The following PTPRN2 variants were observed in gnomAD, a reference collection of about 807,000 sequenced individuals.
PTPRN2 encodes the protein receptor-type tyrosine-protein phosphatase N2.
PTPRN2 carries 74 observed loss-of-function variants against 118.8 expected under a neutral mutation model. The observed-to-expected ratio is 0.62, with a 90% CI of 0.52 to 0.76. The LOEUF (loss-of-function observed/expected upper bound fraction) is 0.76, where lower values mean the gene tolerates loss of function less well. Among genes scored for constraint, PTPRN2 ranks in the 30% least tolerant of loss-of-function variants. PTPRN2 has a pLI of 0.00. For synonymous variants in PTPRN2, 641 were observed against 608.0 expected (o/e 1.05, Z -0.80); for missense variants, 1,481 against 1,394.4 (o/e 1.06, Z -0.99).
Position 158,497,824 on chromosome 7 carries a change from C to T in PTPRN2, c.113-8039G>A, listed in dbSNP as rs372989482. ...GCACAGCCTCTGGGCCCTGTTCCTG[C>T]GGGGACACCTGTCCGTCCCCTGTGC... On this transcript the variant is annotated intron_variant, in intron 1 of 22. Transcript: ENST00000389418. Among the ~76,000 whole-genome samples, 81 of 152,390 alleles carry T rather than the reference C, an allele frequency of 5.3e-4. 3 individuals are homozygous for T. The highest frequency in any genetic ancestry group is 4.8e-3 in the South Asian group (23 of 4,832).
chr7:158,197,788 AACTC>A (rs1349274959), intron 4 of PTPRN2, among the ~76,000 whole-genome samples: 6 of 152,124 alleles, frequency 3.9e-5, no homozygotes, highest in Non-Finnish European at 8.8e-5. Flanking sequence ...ATCTCGTGAA[AACTC>A]ACTCACTATC....
In PTPRN2 at chr7:158,159,133, T is replaced by G. The variant is rs1348707675; in HGVS notation, c.910+7798A>C. On this transcript the variant is annotated intron_variant, in intron 6 of 22. Transcript: ENST00000389418. ...GTGTGATTGGCCAGGACTTTGCAAG[T>G]GCTTTCTGAATGAATGAGTGAACTT... is the stretch of plus-strand genomic sequence containing the variant. 2.2e-4 allele frequency among the ~76,000 whole-genome samples: 15 copies of G among 68,024 alleles called. 1 individual carries two copies. The East Asian group carries it at 2.6e-3, about 12-fold the overall frequency. The allele number at this position is 68,024 out of a possible 152,430, so 44.6% of individuals were successfully genotyped here. A position where few individuals can be genotyped will look rare whatever the true frequency, so the allele number is the denominator to read the frequency against.
intron 2 of PTPRN2, among the ~76,000 whole-genome samples, chr7:158,366,380 ACACACACC>A (rs1246640634): frequency 3.1e-5 from 1 of 32,342 alleles, no homozygotes; most frequent in African/African-American, 6.2e-5. Flanking sequence ...GTGCAAACGC[ACACACACC>A]CACACACCCA....
At chr7:158,386,241 C>CACTGTCACTGCTGTTA (rs1811351367) in intron 2 of PTPRN2, among the ~76,000 whole-genome samples, 1 of 140,422 alleles carries the variant, frequency 7.1e-6, no homozygotes. Context: ...TTTCTGTGCC[C>CACTGTCACTGCTGTTA]CTCCTCCCTC....
Position 158,167,184 on chromosome 7 carries a change from C to T in PTPRN2, c.657G>A (p.Arg219=), listed in dbSNP as rs1337768374. The T allele has an allele frequency of 1.2e-5, 20 of 1,613,832 alleles. No individual in the cohort carries two copies. The highest frequency in any genetic ancestry group is 3.3e-5 in the Admixed American group (2 of 60,012). The change falls in exon 6 of 23, where the codon CGG becomes CGA. Residue 219 remains arginine, a synonymous_variant. Coordinates refer to ENST00000389418, the MANE Select transcript of PTPRN2 (RefSeq NM_002847.5). The stretch of plus-strand genomic sequence containing the variant: ...CATCTGGCTGGAGCTGGCCGAGGGT[C>T]CGCGGCAGGAGGTCCTCGCGGAGCT... The part of the protein sequence containing the change: ...RTQLREDLLP[R]TLGQLQPDEL...
intron 12 of PTPRN2, among the ~76,000 whole-genome samples, chr7:157,877,500 C>G (rs1389035939): frequency 6.6e-6 from 1 of 151,942 alleles, no homozygotes; most frequent in East Asian, 1.9e-4. Flanking sequence ...CCTCGGGGCC[C>G]CGGGTCCAAG....
intron 12 of PTPRN2, among the ~76,000 whole-genome samples, chr7:157,799,834 TCCATCCCTCAGAGGCAC>T (rs1805125072): frequency 3.8e-5 from 3 of 79,116 alleles, no homozygotes; most frequent in African/African-American, 1.7e-4. Context: ...GCCGGCCCCC[TCCATCCCTCAGAGGCAC>T]CACAGCCGGC....
chr7:157,907,700 G>T (rs1797858516), intron 11 of PTPRN2, among the ~76,000 whole-genome samples: 2 of 151,338 alleles, frequency 1.3e-5, no homozygotes, highest in Non-Finnish European at 3.0e-5. Flanking sequence ...CCTTGCGTGT[G>T]GGGTGTCCTG....
At chr7:158,228,223 G>A (rs1440888358) in intron 3 of PTPRN2, among the ~76,000 whole-genome samples, 3 of 152,102 alleles carry the variant, frequency 2.0e-5, no homozygotes, top group Admixed American at 2.0e-4. Context: ...CAATGACTGG[G>A]ATGCAAATAA....
At position 158,570,075 on chromosome 7, in the gene PTPRN2, G is replaced by C. The variant is rs539015802; in HGVS notation, c.112+17483C>G. Among the ~76,000 whole-genome samples, 2 of 152,178 alleles carry C rather than the reference G, an allele frequency of 1.3e-5. No individual in the cohort carries two copies. Among genetic ancestry groups the C allele is most frequent in the East Asian group, 3.9e-4 (2 of 5,154 alleles). On this transcript the variant is annotated intron_variant, in intron 1 of 22. Transcript: ENST00000389418. The surrounding 1 kb of genome is among the most constrained non-coding windows in gnomAD (Gnocchi z 4.5). ...GCGCGTCCTCCACCCGTTTCCCCCA[G>C]GCAGGGGGAAGCCCCGAGAAGCCGC...
intron 9 of PTPRN2, among the ~76,000 whole-genome samples, chr7:158,118,612 G>A (rs1321150468): frequency 6.6e-6 from 1 of 152,100 alleles, no homozygotes; most frequent in African/African-American, 2.4e-5. Flanking sequence ...AGCAAAATAT[G>A]ATATTCCACA....
chr7:157,718,862 T>G (rs567968460), intron 12 of PTPRN2, among the ~76,000 whole-genome samples: 111 of 152,246 alleles, frequency 7.3e-4, no homozygotes, highest in Non-Finnish European at 1.3e-3. Context: ...TCTGGGGCCC[T>G]CAGACCCCCA....
intron 11 of PTPRN2, among the ~76,000 whole-genome samples, chr7:157,981,943 ATAAAGATGAGGAGGGGAATG>A (rs1803188954): frequency 1.3e-5 from 2 of 152,178 alleles, no homozygotes; most frequent in African/African-American, 2.4e-5. Flanking sequence ...CCCCTGAGTC[ATAAAGATGAGGAGGGGAATG>A]CAGAGTGCAG....
intron 11 of PTPRN2, among the ~76,000 whole-genome samples, chr7:158,047,333 C>CA (rs1377557934): frequency 9.1e-4 from 139 of 152,384 alleles, no homozygotes; most frequent in African/African-American, 3.3e-3. Flanking sequence ...AAGGAGCTTT[C>CA]AGCTCAGGAG....
At chr7:158,162,196 C>T (rs1229567175) in intron 6 of PTPRN2, among the ~76,000 whole-genome samples, 1 of 152,194 alleles carries the variant, frequency 6.6e-6, no homozygotes, top group Non-Finnish European at 1.5e-5. Context: ...CTTCCAAAAC[C>T]AAACATTCTC....
At chr7:158,276,134 C>T (rs988551588) in intron 3 of PTPRN2, among the ~76,000 whole-genome samples, 1 of 152,140 alleles carries the variant, frequency 6.6e-6, no homozygotes, top group Admixed American at 6.5e-5. Context: ...TGAACCTTCC[C>T]TCCCTCCCCA....
At chr7:158,247,910 C>G (rs1025096749) in intron 3 of PTPRN2, among the ~76,000 whole-genome samples, 1 of 152,140 alleles carries the variant, frequency 6.6e-6, no homozygotes, top group Non-Finnish European at 1.5e-5. Flanking sequence ...TCCACCGCGC[C>G]CAGCCTACCA....
intron 12 of PTPRN2, among the ~76,000 whole-genome samples, chr7:157,859,957 T>C (rs1471635409): frequency 2.4e-5 from 2 of 82,388 alleles, no homozygotes; most frequent in South Asian, 5.0e-4. Context: ...CCCCAGCCAC[T>C]GTACACACTC....
At chr7:158,437,523 T>A (rs774513915) in intron 2 of PTPRN2, among the ~76,000 whole-genome samples, 13 of 152,266 alleles carry the variant, frequency 8.5e-5, no homozygotes, top group Non-Finnish European at 1.6e-4. Context: ...TCCTCCTCAC[T>A]AGACAGCCAG....
Sources: allele counts gnomAD v4.1 joint callset (sites outside exome capture counted in the v4.1 genomes callset), GRCh38; gene constraint gnomAD v4.1.1; non-coding constraint Gnocchi (gnomAD v3.1); transcripts MANE v1.5; gene names NCBI Gene and HGNC (gene_info 2026-07-23, HGNC 2026-07-21).